RSPH14: variants seen among roughly 807,000 people sequenced by gnomAD.
The protein encoded by RSPH14 is radial spoke head 14 homolog.
A neutral mutation model predicts 26.7 loss-of-function variants in RSPH14; 20 were observed. That is an observed-to-expected ratio of 0.75 (90% CI 0.53 to 1.09). The LOEUF (loss-of-function observed/expected upper bound fraction) is 1.09, where lower values mean the gene tolerates loss of function less well. Ranked by LOEUF, RSPH14 falls within the 50% of genes least tolerant of loss-of-function variation. The pLI is 0.00. For missense variants in RSPH14, 449 were observed against 457.2 expected (o/e 0.98, Z 0.16); for synonymous variants, 177 against 189.3 (o/e 0.93, Z 0.53).
chr22:23,159,336 C>A, the RSPH14 span: 1 of 1,309,960 alleles, frequency 7.6e-7, no homozygotes, highest in Non-Finnish European at 1.0e-6. Context: ...GCAGTGTTTC[C>A]CTCTGTAGCC....
chr22:23,159,132 A>G, the RSPH14 span: 1 of 1,607,328 alleles, frequency 6.2e-7, no homozygotes, highest in Non-Finnish European at 8.5e-7. Flanking sequence ...GAGAGCCGGG[A>G]CGCTGGGTCA....
chr22:23,064,166 T>G (rs750207995), intron 4 of RSPH14, 33 bp from the exon 5 acceptor site: 1 of 1,598,840 alleles, frequency 6.3e-7, no homozygotes, highest in Non-Finnish European at 8.6e-7. Flanking sequence ...GAGGGCGGGC[T>G]GGCCACACAC....
chr22:23,167,807 T>C, the RSPH14 span, among the ~76,000 whole-genome samples: 1 of 152,078 alleles, frequency 6.6e-6, no homozygotes, highest in East Asian at 1.9e-4. Context: ...CTCAGCCTTC[T>C]GAACAGCTGG....
chr22:23,080,404 A>G lies in RSPH14; in HGVS notation c.422-16271T>C, dbSNP rs550600790. On this transcript the variant is annotated intron_variant, in intron 4 of 6. Transcript: ENST00000216036. The stretch of plus-strand genomic sequence containing the variant: ...TCTCATCTCCCCTTCCTTTAGCAGA[A>G]GGACACTGGGAGGCCCAGCCGGGGC... Among the ~76,000 whole-genome samples the G allele has an allele frequency of 6.7e-3, 886 of 131,364 alleles. 4 individuals are homozygous for G. The highest frequency in any genetic ancestry group is 0.037 in the African/African-American group (831 of 22,692). The allele number at this position is 131,364 out of a possible 152,430, so 86.2% of individuals were successfully genotyped here.
In RSPH14 at chr22:23,061,841, C is replaced by T; in HGVS notation, c.758G>A (p.Gly253Asp). 7 of 1,614,126 alleles carry T rather than the reference C, an allele frequency of 4.3e-6. No individual in the cohort carries two copies. Among genetic ancestry groups the T allele is most frequent in the Non-Finnish European group, 5.9e-6 (7 of 1,180,022 alleles). ...GATCACTGTGGCGAACATCAGGGCACCGGCAGCGTTAGACTTCACATGCTC... is the reference window on the plus strand; with the variant it reads ...GATCACTGTGGCGAACATCAGGGCATCGGCAGCGTTAGACTTCACATGCTC... ...PVEHVKSNAA[G>D]ALMFATVITE... Residue 253 changes from glycine to aspartate, a missense_variant, in exon 6 of 7, where the codon GGT becomes GAT. Coordinates refer to ENST00000216036, the MANE Select transcript of RSPH14 (RefSeq NM_014433.3).
At chr22:23,118,781 C>G (rs1227805848) in intron 4 of RSPH14, among the ~76,000 whole-genome samples, 3 of 152,242 alleles carry the variant, frequency 2.0e-5, no homozygotes, top group Admixed American at 2.0e-4. Context: ...AAAGCTGCAT[C>G]CAGCTCTACC....
chr22:23,142,763 G>A (rs1386926980), upstream of RSPH14, among the ~76,000 whole-genome samples: 2 of 152,176 alleles, frequency 1.3e-5, no homozygotes, highest in Non-Finnish European at 2.9e-5. Context: ...ACACACTGCT[G>A]GCCAGCGTAG....
At chr22:23,107,814 G>A (rs902029390) in intron 4 of RSPH14, among the ~76,000 whole-genome samples, 1 of 152,306 alleles carries the variant, frequency 6.6e-6, no homozygotes, top group Non-Finnish European at 1.5e-5. Context: ...AAAGCCGGAA[G>A]AGCACCTGCT....
At chr22:23,129,795 CTG>C (rs2146423277) in intron 4 of RSPH14, among the ~76,000 whole-genome samples, 1 of 152,078 alleles carries the variant, frequency 6.6e-6, no homozygotes, top group African/African-American at 2.4e-5. Context: ...TGGCACACGC[CTG>C]TAGTCCCAGC....
intron 4 of RSPH14, among the ~76,000 whole-genome samples, chr22:23,126,251 G>C (rs1488114834): frequency 6.6e-6 from 1 of 152,194 alleles, no homozygotes; most frequent in East Asian, 1.9e-4. Context: ...CTTCCCTGGA[G>C]GGAGGTTTCT....
At chr22:23,145,694 G>T (rs1031914016), upstream of RSPH14, 1 of 1,066,300 alleles carries the variant, frequency 9.4e-7, no homozygotes, top group Non-Finnish European at 1.3e-6. Flanking sequence ...GCCCCGGGGC[G>T]TCCTCATTTC....
intron 4 of RSPH14, among the ~76,000 whole-genome samples, chr22:23,087,138 G>A (rs972496042): frequency 6.6e-6 from 1 of 152,170 alleles, no homozygotes; most frequent in Admixed American, 6.5e-5. Context: ...ATGTAGGGAC[G>A]GCGGCTCCAG....
the RSPH14 span, among the ~76,000 whole-genome samples, chr22:23,174,562 CTTGTTATCTAA>C: frequency 1.4e-3 from 217 of 152,150 alleles, no homozygotes; most frequent in African/African-American, 4.6e-3. Flanking sequence ...GCTGGAAATA[CTTGTTATCTAA>C]TTGTGGCGAT....
intron 6 of RSPH14, among the ~76,000 whole-genome samples, 161 bp from the exon 7 acceptor site, chr22:23,059,879 C>T (rs774973404): frequency 1.3e-5 from 2 of 152,254 alleles, no homozygotes; most frequent in Non-Finnish European, 2.9e-5. Context: ...GGCTCTTGCA[C>T]CTTCGCTGAG....
chr22:23,067,909 GACTA>G (rs1569155188), intron 4 of RSPH14, among the ~76,000 whole-genome samples: 1 of 152,328 alleles, frequency 6.6e-6, no homozygotes, highest in Middle Eastern at 3.4e-3. Flanking sequence ...CCTCTGGACT[GACTA>G]ACTGATGTTT....
At chr22:23,098,925 T>C (rs1217052371) in intron 4 of RSPH14, among the ~76,000 whole-genome samples, 1 of 152,220 alleles carries the variant, frequency 6.6e-6, no homozygotes, top group African/African-American at 2.4e-5. Context: ...TCTCTCCTTT[T>C]GGAACGTGCT....
intron 1 of RSPH14, among the ~76,000 whole-genome samples, chr22:23,141,327 CAAAAAAA>C (rs35460609): frequency 1.2e-5 from 1 of 82,322 alleles, no homozygotes; most frequent in Admixed American, 1.3e-4. Context: ...GACTCCGTCT[CAAAAAAA>C]AAAAAAAAAA....
chr22:23,093,214 G>A (rs1246878826), intron 4 of RSPH14, among the ~76,000 whole-genome samples: 2 of 152,248 alleles, frequency 1.3e-5, no homozygotes, highest in African/African-American at 4.8e-5. Flanking sequence ...CAGCCTCACT[G>A]GGATTGGGCT....
chr22:23,112,667 G>C (rs762970634), intron 4 of RSPH14, among the ~76,000 whole-genome samples: 1 of 152,204 alleles, frequency 6.6e-6, no homozygotes, highest in Non-Finnish European at 1.5e-5. Flanking sequence ...AAACACCAGC[G>C]GGGTGGGAAT....
Sources: allele counts gnomAD v4.1 joint callset (sites outside exome capture counted in the v4.1 genomes callset), GRCh38; gene constraint gnomAD v4.1.1; transcripts MANE v1.5; gene names NCBI Gene and HGNC (gene_info 2026-07-23, HGNC 2026-07-21).